Variants in RELN observed in about 807,000 individuals in gnomAD.
The protein encoded by RELN is reelin.
In RELN, 108 loss-of-function variants were observed where a neutral mutation model predicts 427.6. That is an observed-to-expected ratio of 0.25 (90% confidence interval 0.22 to 0.30). The LOEUF (loss-of-function observed/expected upper bound fraction) is 0.30. RELN is among the 10% of genes least tolerant of loss of function. RELN has a pLI of 1.00. For synonymous variants in RELN, 1,524 were observed against 1,513.4 expected, an observed-to-expected ratio of 1.01 and a Z score of -0.16; for missense variants, 3,715 against 4,302.8, an observed-to-expected ratio of 0.86 and a Z score of 3.82.
intron 27 of RELN, among the ~76,000 whole-genome samples, chr7:103,590,316 C>A (rs6952858): frequency 1.3e-5 from 2 of 152,016 alleles, no homozygotes; most frequent in Admixed American, 6.6e-5. Context: ...GTAATCCCAG[C>A]ACTTTGGGAG....
chr7:103,806,695 G>C (rs1216859651), intron 3 of RELN, among the ~76,000 whole-genome samples: 1 of 152,088 alleles, frequency 6.6e-6, no homozygotes, highest in Non-Finnish European at 1.5e-5. Flanking sequence ...ACAGTGACTT[G>C]AGTAACCATC....
intron 49 of RELN, among the ~76,000 whole-genome samples, chr7:103,518,505 G>GTT (rs58239018): frequency 1.7e-4 from 19 of 114,340 alleles, no homozygotes; most frequent in South Asian, 3.1e-4. Flanking sequence ...GGTAATTTAA[G>GTT]TTTTTTTTTT....
chr7:103,654,482 G>A (rs1832985405), intron 12 of RELN, among the ~76,000 whole-genome samples: 2 of 152,178 alleles, frequency 1.3e-5, no homozygotes, highest in South Asian at 2.1e-4. Flanking sequence ...GCAACTACAC[G>A]TCCATGTTCT....
chr7:103,685,533 T>C lies in RELN; in HGVS notation c.1144-3272A>G, dbSNP rs548953551. ...ATATATCAAGCTACTAAGCATTTATTTGGGGTAAAATAAAGGTATAAATTC... is the reference window on the plus strand; with the variant it reads ...ATATATCAAGCTACTAAGCATTTATCTGGGGTAAAATAAAGGTATAAATTC... On this transcript the variant is annotated intron_variant, in intron 10 of 64. Coordinates refer to ENST00000428762, the MANE Select transcript of RELN (RefSeq NM_005045.4). 4.6e-5 allele frequency among the ~76,000 whole-genome samples: 7 copies of C among 152,120 alleles called. No individual in the cohort carries two copies. In the South Asian group the frequency reaches 1.5e-3, roughly 32 times the overall value.
At position 103,498,194 on chromosome 7, in the gene RELN, A is replaced by G. The variant is rs770524867; in HGVS notation, c.8726T>C (p.Leu2909Ser). Residue 2909 changes from leucine (L) to serine (S), a missense_variant, in exon 54 of 65, where the codon TTA (leucine) becomes TCA (serine). By Grantham distance (145) the Leu-to-Ser change is moderately radical. Coordinates refer to ENST00000428762, the MANE Select transcript of RELN (RefSeq NM_005045.4). ...EEIKPDLWMS[L>S]EGGSTCTECG... The stretch of plus-strand genomic sequence containing the variant: ...CTCAGTGCAAGTACTTCCACCTTCT[A>G]AGGACATCCATAAGTCAGGTTTGAT... The G allele has an allele frequency of 1.9e-6, 3 of 1,614,076 alleles. No individual in the cohort carries two copies. Among genetic ancestry groups the G allele is most frequent in the South Asian group, 1.1e-5 (1 of 91,082 alleles).
At chr7:103,609,417 A>G (rs895537117) in intron 22 of RELN, among the ~76,000 whole-genome samples, 2 of 152,168 alleles carry the variant, frequency 1.3e-5, no homozygotes, top group African/African-American at 4.8e-5. Context: ...CATACATTTG[A>G]CATATATGCT....
At position 103,989,643 on chromosome 7, in the gene RELN, C is replaced by A; in HGVS notation, c.-287G>T. The A allele has an allele frequency of 6.2e-6, 2 of 324,990 alleles. No individual in the cohort carries two copies. Among genetic ancestry groups the A allele is most frequent in the South Asian group, 2.4e-4 (2 of 8,258 alleles). The allele number at this position is 324,990 out of a possible 1,614,324, so 20.1% of individuals were successfully genotyped here. On this transcript the variant is annotated 5_prime_UTR_variant, in exon 1 of 65. Coordinates refer to ENST00000428762, the MANE Select transcript of RELN (RefSeq NM_005045.4). This position sits in a 1 kb window ranked among gnomAD's most constrained non-coding sequence, Gnocchi z 4.9. ...GCCGCCGCCGCCTCTGCGCGACGCC[C>A]CTCGGCCAGGCCTGGGAAAGCGCCC...
At chr7:103,980,218 T>G (rs969057523) in intron 1 of RELN, among the ~76,000 whole-genome samples, 1 of 151,866 alleles carries the variant, frequency 6.6e-6, no homozygotes, top group African/African-American at 2.4e-5. Flanking sequence ...AAAAATAAAT[T>G]TTAAAAAGGT....
chr7:103,730,849 G>A (rs1217483096), intron 6 of RELN, among the ~76,000 whole-genome samples: 1 of 152,028 alleles, frequency 6.6e-6, no homozygotes, highest in Non-Finnish European at 1.5e-5. Flanking sequence ...CCCTCTAGGA[G>A]GTCAAATCCA....
chr7:103,603,000 A>T (rs536445914), intron 24 of RELN, among the ~76,000 whole-genome samples: 1 of 152,180 alleles, frequency 6.6e-6, no homozygotes, highest in East Asian at 1.9e-4. Context: ...CCCTACGCAA[A>T]CTTCCTCAAT....
intron 38 of RELN, among the ~76,000 whole-genome samples, chr7:103,555,628 C>G (rs547538309): frequency 6.6e-6 from 1 of 152,052 alleles, no homozygotes; most frequent in South Asian, 2.1e-4. Flanking sequence ...TGTGCCACCA[C>G]GCCCAGCTAA....
At chr7:103,593,991 G>A (rs1381006458) in intron 26 of RELN, 109 bp from the exon 27 acceptor site, 1 of 841,800 alleles carries the variant, frequency 1.2e-6, no homozygotes, top group Non-Finnish European at 1.9e-6. Flanking sequence ...GCATTTCTAG[G>A]AAAACACAGA....
intron 2 of RELN, among the ~76,000 whole-genome samples, chr7:103,868,969 C>T (rs1446069983): frequency 6.6e-6 from 1 of 152,058 alleles, no homozygotes; most frequent in East Asian, 1.9e-4. Context: ...ACAAGATACA[C>T]ATGGACCTTG....
intron 52 of RELN, 76 bp downstream of exon 52, chr7:103,502,940 A>G (rs1034182615): frequency 8.4e-7 from 1 of 1,196,358 alleles, no homozygotes; most frequent in Non-Finnish European, 1.2e-6. Context: ...ACATAATTTC[A>G]GGCATGACAA....
intron 2 of RELN, among the ~76,000 whole-genome samples, chr7:103,850,929 A>G (rs549209576): frequency 5.9e-5 from 9 of 152,314 alleles, no homozygotes; most frequent in African/African-American, 1.9e-4. Flanking sequence ...CAGTGCAGAG[A>G]TTCCTTAAGG....
At chr7:103,933,588 T>C (rs1042019340) in intron 1 of RELN, among the ~76,000 whole-genome samples, 2 of 152,018 alleles carry the variant, frequency 1.3e-5, no homozygotes, top group Non-Finnish European at 2.9e-5. Flanking sequence ...TTCTATGCTG[T>C]ATCCTACCTC....
intron 2 of RELN, among the ~76,000 whole-genome samples, chr7:103,901,285 A>C (rs951510197): frequency 6.6e-6 from 1 of 152,054 alleles, no homozygotes; most frequent in African/African-American, 2.4e-5. Flanking sequence ...GAGAAACTGA[A>C]CCTCTCATAC....
At position 103,878,649 on chromosome 7, in the gene RELN, C is replaced by T. The variant is rs182446572; in HGVS notation, c.337+38426G>A. 8.1e-4 allele frequency among the ~76,000 whole-genome samples: 124 copies of T among 152,250 alleles called. 2 individuals carry two copies. The highest frequency in any genetic ancestry group is 2.9e-3 in the African/African-American group (119 of 41,554). ...AAAATTCCTTCTTCAAAAAAGTTAG[C>T]TCCAACAGATATATCAAAAATTACA... On this transcript the variant is annotated intron_variant, in intron 2 of 64. Transcript: ENST00000428762.
At chr7:103,888,104 A>G (rs1165345608) in intron 2 of RELN, among the ~76,000 whole-genome samples, 4 of 152,212 alleles carry the variant, frequency 2.6e-5, no homozygotes, top group African/African-American at 4.8e-5. Flanking sequence ...ATAACCCTGG[A>G]CATCATGGGA....
Sources: gnomAD v4.1 joint callset for allele counts (sites outside exome capture counted in the v4.1 genomes callset) on GRCh38, gnomAD v4.1.1 for gene constraint, Gnocchi (gnomAD v3.1) non-coding constraint, MANE v1.5 for transcripts, NCBI Gene and HGNC (gene_info 2026-07-23, HGNC 2026-07-21) for gene names.